The following STK31 variants were observed in gnomAD, a reference collection of about 807,000 sequenced individuals.
STK31 encodes the protein serine/threonine kinase 31.
STK31 carries 89 observed loss-of-function variants against 129.7 expected under a neutral mutation model. The observed-to-expected ratio is 0.69, with a 90% CI of 0.58 to 0.82. The LOEUF (loss-of-function observed/expected upper bound fraction) is 0.82, where lower values mean the gene tolerates loss of function less well. STK31 is among the 40% of genes least tolerant of loss of function. The probability of loss-of-function intolerance (pLI) is 0.00; values close to 1 mark genes in which losing one functional copy is unlikely to be tolerated. For missense variants in STK31, 1,187 were observed against 1,176.4 expected, an observed-to-expected ratio of 1.01 and a Z score of -0.13; for synonymous variants, 448 against 395.3, an observed-to-expected ratio of 1.13 and a Z score of -1.58.
chr7:23,752,317 G>A lies in STK31; in HGVS notation c.1018-400G>A, dbSNP rs577162011. 4.0e-5 allele frequency among the ~76,000 whole-genome samples: 6 copies of A among 151,400 alleles called. No individual in the cohort carries two copies. The South Asian group carries it at 1.3e-3, about 32-fold the overall frequency. Reference sequence around the variant, plus strand: ...TATTAATTTGAAATAAAAATCAGCAGCTAGATTCTATTATATTTTATTCAA... The same window carrying A: ...TATTAATTTGAAATAAAAATCAGCAACTAGATTCTATTATATTTTATTCAA... On this transcript the variant is annotated intron_variant, in intron 8 of 23. Transcript: ENST00000355870.
At chr7:23,771,235 A>G (rs1310024844) in intron 14 of STK31, 111 bp downstream of exon 14, 6 of 961,044 alleles carry the variant, frequency 6.2e-6, no homozygotes, top group East Asian at 3.0e-5. Flanking sequence ...TGTTATTACT[A>G]GAATTCACTG....
chr7:23,810,779 TATATATAA>T (rs1175959139), intron 22 of STK31, among the ~76,000 whole-genome samples: 5 of 107,440 alleles, frequency 4.7e-5, no homozygotes, highest in Admixed American at 2.6e-4. Flanking sequence ...AAATATATAT[TATATATAA>T]ATATATAAAT....
intron 23 of STK31, among the ~76,000 whole-genome samples, chr7:23,816,840 T>C (rs1313840692): frequency 6.6e-6 from 1 of 152,164 alleles, no homozygotes; most frequent in Non-Finnish European, 1.5e-5. Context: ...TGTAAAGTTA[T>C]GAATAACAGA....
intron 8 of STK31, among the ~76,000 whole-genome samples, chr7:23,745,471 C>T (rs1051736695): frequency 6.6e-6 from 1 of 152,160 alleles, no homozygotes; most frequent in African/African-American, 2.4e-5. Context: ...GGCTGGTGAA[C>T]ATGTACTTTG....
chr7:23,808,943 T>TTATATGTGTGTGTGTGTGTGTGTG (rs71552258), intron 22 of STK31, among the ~76,000 whole-genome samples: 10 of 84,436 alleles, frequency 1.2e-4, no homozygotes, highest in African/African-American at 3.5e-4. Context: ...CTTGGAGCTT[T>TTATATGTGTGTGTGTGTGTGTGTG]TGTGTGTGTG....
intron 8 of STK31, among the ~76,000 whole-genome samples, chr7:23,739,856 A>G (rs540976519): frequency 6.6e-6 from 1 of 152,270 alleles, no homozygotes; most frequent in Admixed American, 6.5e-5. Flanking sequence ...TACCAGTAGC[A>G]TGCTGTTTTG....
chr7:23,799,227 G>T (rs1369591200), intron 22 of STK31, among the ~76,000 whole-genome samples: 3 of 152,076 alleles, frequency 2.0e-5, no homozygotes, highest in Admixed American at 6.6e-5. Context: ...TTTCTTCACA[G>T]AATTAGAAAA....
At chr7:23,714,774 G>C (rs1786197573) in intron 3 of STK31, among the ~76,000 whole-genome samples, 3 of 152,104 alleles carry the variant, frequency 2.0e-5, no homozygotes. Flanking sequence ...GCAAATTCAA[G>C]AGTCAGCAGT....
chr7:23,760,918 G>A (rs1423410468), intron 10 of STK31, among the ~76,000 whole-genome samples: 1 of 152,006 alleles, frequency 6.6e-6, no homozygotes, highest in Non-Finnish European at 1.5e-5. Flanking sequence ...CTCCTGCCTT[G>A]GCCTCCCAAA....
chr7:23,831,249 G>T (rs1794526659), intron 23 of STK31, among the ~76,000 whole-genome samples: 1 of 152,006 alleles, frequency 6.6e-6, no homozygotes, highest in Non-Finnish European at 1.5e-5. Context: ...TCTCCCTTTA[G>T]ATCTAATAAT....
chr7:23,781,020 C>G (rs948752275), intron 15 of STK31, among the ~76,000 whole-genome samples: 1 of 152,146 alleles, frequency 6.6e-6, no homozygotes, highest in Admixed American at 6.5e-5. Flanking sequence ...CACATTTACT[C>G]ATCCTTTTGT....
chr7:23,783,162 A>G (rs1447085398), intron 16 of STK31, among the ~76,000 whole-genome samples: 1 of 152,224 alleles, frequency 6.6e-6, no homozygotes, highest in Non-Finnish European at 1.5e-5. Context: ...GTACAGAAAC[A>G]GCTATATTGG....
chr7:23,784,354 A>C (rs932322052), intron 17 of STK31, among the ~76,000 whole-genome samples: 31 of 152,178 alleles, frequency 2.0e-4, no homozygotes, highest in Admixed American at 2.0e-3. Context: ...TTATTCTAAA[A>C]AATATTTAAG....
chr7:23,808,494 G>A (rs1347992636), intron 22 of STK31, among the ~76,000 whole-genome samples: 1 of 152,000 alleles, frequency 6.6e-6, no homozygotes, highest in Non-Finnish European at 1.5e-5. Context: ...CGTGGGGAGT[G>A]GGCAATGAAA....
At position 23,710,351 on chromosome 7, in the gene STK31, T is replaced by G; in HGVS notation, c.50+16T>G. On this transcript the variant is annotated intron_variant, in intron 1 of 23. Transcript: ENST00000355870. ...AAAGTGTGAGGTCAGTAGTAGTTTT[T>G]GTGGTACGTGCAGTGGTGGCCGCTT... 4.3e-6 allele frequency: 7 copies of G among 1,613,470 alleles called. No homozygotes were observed. The Middle Eastern group carries it at 6.6e-4, about 152-fold the overall frequency.
intron 10 of STK31, among the ~76,000 whole-genome samples, chr7:23,757,839 T>A (rs559551796): frequency 5.3e-5 from 8 of 152,284 alleles, no homozygotes; most frequent in Non-Finnish European, 8.8e-5. Flanking sequence ...GGGAGAAACC[T>A]TGGACAAGAC....
chr7:23,784,941 C>G (rs1300342914), intron 17 of STK31, among the ~76,000 whole-genome samples: 1 of 152,032 alleles, frequency 6.6e-6, no homozygotes, highest in African/African-American at 2.4e-5. Context: ...CATTTGATAC[C>G]TACATTTTTG....
At chr7:23,827,745 A>T (rs1794263562) in intron 23 of STK31, among the ~76,000 whole-genome samples, 1 of 151,914 alleles carries the variant, frequency 6.6e-6, no homozygotes, top group Admixed American at 6.6e-5. Context: ...TTGGTCTTTG[A>T]TGATGGTGAC....
At chr7:23,710,177 G>T (rs1041527391), upstream of STK31, 17 of 1,581,598 alleles carry the variant, frequency 1.1e-5, no homozygotes, top group South Asian at 1.1e-4. Context: ...AACACCGGAT[G>T]ATGGCGCAGC....
Sources: gnomAD v4.1 joint callset for allele counts (sites outside exome capture counted in the v4.1 genomes callset) on GRCh38, gnomAD v4.1.1 for gene constraint, MANE v1.5 for transcripts, NCBI Gene and HGNC (gene_info 2026-07-23, HGNC 2026-07-21) for gene names.